BLTP1: variants seen among roughly 807,000 people sequenced by gnomAD.
The protein encoded by BLTP1 is fragile site-associated protein.
chr4:122,168,241 C>A, the BLTP1 span, among the ~76,000 whole-genome samples: 1 of 152,174 alleles, frequency 6.6e-6, no homozygotes, highest in South Asian at 2.1e-4. Context: ...GCCTAAACAA[C>A]CTCTTCCCAC....
chr4:122,328,083 G>GT, the BLTP1 span: 9 of 1,495,542 alleles, frequency 6.0e-6, no homozygotes, highest in South Asian at 8.5e-5. Flanking sequence ...TCTGATTCAT[G>GT]TTTTTTCTTT....
the BLTP1 span, chr4:122,226,423 A>G: frequency 4.3e-6 from 5 of 1,166,978 alleles, no homozygotes; most frequent in South Asian, 1.1e-4. Flanking sequence ...AACCTTGAAT[A>G]AAAGGATTTG....
chr4:122,304,953 T>C, the BLTP1 span: 1 of 1,613,874 alleles, frequency 6.2e-7, no homozygotes, highest in Admixed American at 1.7e-5. Flanking sequence ...TGGATTTAAA[T>C]CTGGCATTAG....
At chr4:122,349,145 T>A in the BLTP1 span, 4 of 1,600,046 alleles carry the variant, frequency 2.5e-6, no homozygotes, top group Non-Finnish European at 3.4e-6. This position sits in a 1 kb window ranked among gnomAD's most constrained non-coding sequence, Gnocchi z 4.5. Context: ...ATAACCTTTT[T>A]TTCATTTTTT....
At chr4:122,175,976 C>T in the BLTP1 span, 3 of 881,064 alleles carry the variant, frequency 3.4e-6, no homozygotes, top group East Asian at 7.5e-5. Context: ...TTTATGAAAA[C>T]TAATTAAAAT....
chr4:122,266,607 T>A, the BLTP1 span: 1 of 169,082 alleles, frequency 5.9e-6, no homozygotes, highest in Non-Finnish European at 1.2e-5. Context: ...ACTAAAAATA[T>A]TAAATTTTAA....
the BLTP1 span, chr4:122,201,751 G>T: frequency 1.0e-5 from 3 of 293,010 alleles, no homozygotes; most frequent in Non-Finnish European, 1.5e-5. Flanking sequence ...GCCCCATAAA[G>T]TTGGTCTAAT....
the BLTP1 span, chr4:122,174,707 TG>T: frequency 7.9e-7 from 1 of 1,263,298 alleles, no homozygotes; most frequent in Non-Finnish European, 1.1e-6. Context: ...TTAAAAATAT[TG>T]TTAAAATGTT....
At chr4:122,299,879 G>A in the BLTP1 span, 3 of 984,730 alleles carry the variant, frequency 3.0e-6, no homozygotes, top group Non-Finnish European at 3.6e-6. Flanking sequence ...AATGTAATCT[G>A]TATGCTGTAT....
the BLTP1 span, chr4:122,232,040 T>C: frequency 1.0e-6 from 1 of 983,880 alleles, no homozygotes; most frequent in Admixed American, 6.1e-5. Flanking sequence ...TTGATTAGGT[T>C]AGGTGGTAGA....
chr4:122,305,833 T>C, the BLTP1 span: 2 of 1,489,476 alleles, frequency 1.3e-6, no homozygotes, highest in Non-Finnish European at 1.8e-6. Flanking sequence ...ATATTAAAAC[T>C]TTTTCCATTA....
chr4:122,212,716 T>C, the BLTP1 span, among the ~76,000 whole-genome samples: 20 of 152,196 alleles, frequency 1.3e-4, no homozygotes, highest in Admixed American at 1.3e-3. Flanking sequence ...TTTAGACTTG[T>C]TTATAAGTTC....
At chr4:122,243,050 T>A in the BLTP1 span, 1 of 1,612,738 alleles carries the variant, frequency 6.2e-7, no homozygotes, top group Admixed American at 1.7e-5. Context: ...GGCATGCAAC[T>A]TTCAGGATCA....
At chr4:122,184,553 T>C in the BLTP1 span, 1 of 213,758 alleles carries the variant, frequency 4.7e-6, no homozygotes, top group East Asian at 1.8e-4. Flanking sequence ...GTGGGAGAAT[T>C]GCTGGAACTT....
At chr4:122,343,514 T>A in the BLTP1 span, 1 of 1,614,116 alleles carries the variant, frequency 6.2e-7, no homozygotes, top group Non-Finnish European at 8.5e-7. Context: ...CTTCACTGCA[T>A]GCATGTCTGA....
the BLTP1 span, chr4:122,250,282 A>C: frequency 7.2e-7 from 1 of 1,398,314 alleles, no homozygotes; most frequent in Non-Finnish European, 9.7e-7. Context: ...TCTTTATGAA[A>C]TTTTATACAG....
chr4:122,287,568 A>C, the BLTP1 span: 2 of 985,354 alleles, frequency 2.0e-6, no homozygotes, highest in Non-Finnish European at 2.4e-6. Flanking sequence ...GTTTGTCAAA[A>C]ACTGTTGCAA....
the BLTP1 span, among the ~76,000 whole-genome samples, chr4:122,330,367 T>A: frequency 6.6e-6 from 1 of 151,924 alleles, no homozygotes; most frequent in Admixed American, 6.6e-5. Context: ...TTCTGTTTTC[T>A]CCATGTCCTT....
the BLTP1 span, chr4:122,200,953 TCA>T: frequency 3.2e-6 from 5 of 1,584,364 alleles, no homozygotes; most frequent in Non-Finnish European, 4.3e-6. Context: ...CTAATGCTGT[TCA>T]CACAGTGTCA....
Sources: gnomAD v4.1 joint callset for allele counts (sites outside exome capture counted in the v4.1 genomes callset) on GRCh38, gnomAD v4.1.1 for gene constraint, Gnocchi (gnomAD v3.1) non-coding constraint, MANE v1.5 for transcripts, NCBI Gene and HGNC (gene_info 2026-07-23, HGNC 2026-07-21) for gene names.